SLAIN1: variants seen among roughly 807,000 people sequenced by gnomAD.
SLAIN1 encodes the protein SLAIN family member 1.
A neutral mutation model predicts 55.4 loss-of-function variants in SLAIN1; 17 were observed. The observed-to-expected ratio is 0.31, with a 90% confidence interval of 0.21 to 0.46. The LOEUF (loss-of-function observed/expected upper bound fraction) is 0.46, where lower values mean the gene tolerates loss of function less well. Among genes scored for constraint, SLAIN1 ranks in the 20% least tolerant of loss-of-function variants. The pLI is 1.00. For missense variants in SLAIN1, 682 were observed against 785.1 expected, an observed-to-expected ratio of 0.87 and a Z score of 1.57; for synonymous variants, 348 against 337.4, an observed-to-expected ratio of 1.03 and a Z score of -0.35.
chr13:77,697,950 G>C lies in SLAIN1; in HGVS notation c.37G>C (p.Val13Leu). The change falls in exon 1 of 7, where the codon GTC (valine) becomes CTC (leucine). Residue 13 changes from valine (V) to leucine (L), a missense_variant. By Grantham distance (32) the Val-to-Leu change is conservative (BLOSUM62 1). Coordinates refer to ENST00000418532, the MANE Select transcript of SLAIN1 (RefSeq NM_001242868.2). ...AEQVKCASAG[V>L]SSGAGSGPVV... Reference sequence around the variant, plus strand: ...GCAGGTGAAATGCGCCTCGGCAGGGGTCAGCTCTGGAGCGGGCTCCGGGCC... The same window carrying C: ...GCAGGTGAAATGCGCCTCGGCAGGGCTCAGCTCTGGAGCGGGCTCCGGGCC... 7.0e-7 allele frequency: 1 copy of C among 1,438,222 alleles called. No homozygotes were observed. The allele number at this position is 1,438,222 out of a possible 1,614,324, so 89.1% of individuals were successfully genotyped here. A position where few individuals can be genotyped will look rare whatever the true frequency, so the allele number is the denominator to read the frequency against.
intron 1 of SLAIN1, among the ~76,000 whole-genome samples, chr13:77,703,550 G>A (rs576735888): frequency 1.3e-5 from 2 of 152,074 alleles, no homozygotes; most frequent in South Asian, 4.1e-4. Flanking sequence ...AAATGTTGAA[G>A]TGAGGTGCTG....
intron 2 of SLAIN1, among the ~76,000 whole-genome samples, chr13:77,721,704 A>G (rs1206261095): frequency 6.6e-6 from 1 of 151,992 alleles, no homozygotes; most frequent in African/African-American, 2.4e-5. Flanking sequence ...CAATGCAGAA[A>G]TTAATGAATG....
chr13:77,750,949 T>G (rs1284157295), intron 4 of SLAIN1, among the ~76,000 whole-genome samples: 1 of 152,200 alleles, frequency 6.6e-6, no homozygotes, highest in Admixed American at 6.5e-5. Context: ...TTATTGTGCT[T>G]GTTTAATCTT....
chr13:77,729,624 C>T (rs934473078), intron 2 of SLAIN1, among the ~76,000 whole-genome samples: 7 of 151,868 alleles, frequency 4.6e-5, no homozygotes, highest in African/African-American at 1.7e-4. Flanking sequence ...CAGATGATTA[C>T]AATACATGAA....
In SLAIN1 at chr13:77,698,786, C is replaced by G. The variant is rs556471320; in HGVS notation, c.626+247C>G. ...CGGATGAACCGGCCCCCCCTTCCCC[C>G]CATCTGCCATGGGTTCTGCTATTTG... On this transcript the variant is annotated intron_variant, in intron 1 of 6. Coordinates refer to ENST00000418532, the MANE Select transcript of SLAIN1 (RefSeq NM_001242868.2). This position sits in a 1 kb window ranked among gnomAD's most constrained non-coding sequence, Gnocchi z 4.1. 7.9e-7 allele frequency: 1 copy of G among 1,268,272 alleles called. No homozygotes were observed. Among genetic ancestry groups the G allele is most frequent in the South Asian group, 1.7e-5 (1 of 58,128 alleles). 78.6% of individuals were successfully genotyped at this position (1,268,272 alleles called of 1,614,324 possible). A position where few individuals can be genotyped will look rare whatever the true frequency, so the allele number is the denominator to read the frequency against.
chr13:77,725,103 T>C (rs766488276), intron 2 of SLAIN1, among the ~76,000 whole-genome samples: 9 of 152,186 alleles, frequency 5.9e-5, no homozygotes, highest in Non-Finnish European at 1.3e-4. Context: ...ATTACTACTG[T>C]TTCAGTTTTG....
At chr13:77,713,704 A>G (rs897508826) in intron 1 of SLAIN1, among the ~76,000 whole-genome samples, 5 of 152,194 alleles carry the variant, frequency 3.3e-5, no homozygotes, top group South Asian at 2.1e-4. Flanking sequence ...TCATTCTACT[A>G]TAAAGACACA....
chr13:77,762,333 A>T (rs921264627), intron 6 of SLAIN1, among the ~76,000 whole-genome samples: 6 of 152,244 alleles, frequency 3.9e-5, no homozygotes, highest in Non-Finnish European at 5.9e-5. Context: ...CTGCTAGACA[A>T]TGTGAGATGG....
intron 2 of SLAIN1, among the ~76,000 whole-genome samples, chr13:77,724,696 G>T (rs1009470337): frequency 6.6e-6 from 1 of 152,026 alleles, no homozygotes; most frequent in Non-Finnish European, 1.5e-5. Flanking sequence ...GGAATAATGC[G>T]AGCTTTCCAT....
intron 2 of SLAIN1, 161 bp from the exon 3 acceptor site, chr13:77,744,122 G>A (rs760111232): frequency 7.2e-5 from 47 of 656,966 alleles, no homozygotes; most frequent in Non-Finnish European, 1.3e-4. Flanking sequence ...TATGAATTGT[G>A]TACACATGAT....
In SLAIN1 at chr13:77,760,809, A is replaced by G. The variant is rs756712009; in HGVS notation, c.1415-19A>G. 4 of 1,609,550 alleles carry G rather than the reference A, an allele frequency of 2.5e-6. No homozygotes were observed. The highest frequency in any genetic ancestry group is 1.7e-5 in the Admixed American group (1 of 59,962). The stretch of plus-strand genomic sequence containing the variant: ...TAGTGGTAGAAGGTTGCTCACATGA[A>G]TATCATTTTCTCTTCTAGTTCCATC... On this transcript the variant is annotated intron_variant, in intron 5 of 6. Transcript: ENST00000418532.
intron 1 of SLAIN1, among the ~76,000 whole-genome samples, chr13:77,711,956 G>A (rs183899102): frequency 2.0e-5 from 3 of 152,214 alleles, no homozygotes; most frequent in African/African-American, 7.2e-5. Context: ...CACATAAACA[G>A]AACCAATCAC....
At chr13:77,743,674 A>G (rs1174379234) in intron 2 of SLAIN1, among the ~76,000 whole-genome samples, 3 of 151,776 alleles carry the variant, frequency 2.0e-5, no homozygotes, top group Non-Finnish European at 4.4e-5. Context: ...ATCTGAAGCC[A>G]TTGATTTTTT....
rs1191016090 is a variant in SLAIN1 at position 77,716,784 on chromosome 13, AT to A, written c.627-2740del. 6.6e-5 allele frequency among the ~76,000 whole-genome samples: 10 copies of A among 152,114 alleles called. No homozygotes were observed. The East Asian group carries it at 1.9e-3, about 29-fold the overall frequency. On this transcript the variant is annotated intron_variant, in intron 1 of 6. Coordinates refer to ENST00000418532, the MANE Select transcript of SLAIN1 (RefSeq NM_001242868.2). ...ATTATCATTTTTGTAGATTCTTCAG[AT>A]TTTTTTTACATAGATGATCATGTCA... is the stretch of plus-strand genomic sequence containing the variant.
Position 77,697,892 on chromosome 13 carries a change from C to T in SLAIN1, c.-22C>T, listed in dbSNP as rs569122683. ...GCGGCGGCGCGCACTCCCCGGCGGC[C>T]GCGGCGCCCTCGGGGCCCACGATGA... On this transcript the variant is annotated 5_prime_UTR_variant, in exon 1 of 7. Transcript: ENST00000418532. 1.5e-6 allele frequency: 2 copies of T among 1,341,104 alleles called. No individual in the cohort carries two copies. Among genetic ancestry groups the T allele is most frequent in the South Asian group, 3.2e-5 (2 of 62,328 alleles). The allele number at this position is 1,341,104 out of a possible 1,614,324, so 83.1% of individuals were successfully genotyped here.
intron 2 of SLAIN1, among the ~76,000 whole-genome samples, chr13:77,725,692 C>A (rs537096398): frequency 5.5e-4 from 83 of 152,264 alleles, no homozygotes; most frequent in African/African-American, 1.9e-3. Flanking sequence ...CAGAATGTTT[C>A]TGGTGGGCAG....
intron 1 of SLAIN1, among the ~76,000 whole-genome samples, chr13:77,713,636 A>C (rs573851408): frequency 6.6e-6 from 1 of 152,328 alleles, no homozygotes; most frequent in South Asian, 2.1e-4. Flanking sequence ...ATCTAGAACC[A>C]GAAATATCAT....
chr13:77,698,290 T>A lies in SLAIN1; in HGVS notation c.377T>A (p.Phe126Tyr). ...GGSSPAFPGT[F>Y]CLPSPAPSLL... ...TCCAGCCCCGCGTTCCCGGGCACCT[T>A]CTGCCTGCCTAGCCCCGCGCCCTCC... Residue 126 changes from phenylalanine to tyrosine, a missense_variant, in exon 1 of 7, where the codon TTC becomes TAC. By Grantham distance (22) the Phe-to-Tyr change is conservative (BLOSUM62 3). Coordinates refer to ENST00000418532, the MANE Select transcript of SLAIN1 (RefSeq NM_001242868.2). The surrounding 1 kb of genome is among the most constrained non-coding windows in gnomAD (Gnocchi z 4.1). 7.0e-7 allele frequency: 1 copy of A among 1,431,536 alleles called. No homozygotes were observed. Among genetic ancestry groups the A allele is most frequent in the Non-Finnish European group, 9.2e-7 (1 of 1,092,240 alleles). 88.7% of individuals were successfully genotyped at this position (1,431,536 alleles called of 1,614,324 possible). A position where few individuals can be genotyped will look rare whatever the true frequency, so the allele number is the denominator to read the frequency against.
intron 1 of SLAIN1, among the ~76,000 whole-genome samples, chr13:77,718,361 T>C (rs1475611135): frequency 1.3e-5 from 2 of 152,182 alleles, no homozygotes; most frequent in Non-Finnish European, 2.9e-5. Context: ...ACATATTGTC[T>C]AGGATGCCTT....
Sources: gnomAD v4.1 joint callset for allele counts (sites outside exome capture counted in the v4.1 genomes callset) on GRCh38, gnomAD v4.1.1 for gene constraint, Gnocchi (gnomAD v3.1) non-coding constraint, MANE v1.5 for transcripts, NCBI Gene and HGNC (gene_info 2026-07-23, HGNC 2026-07-21) for gene names.